C9: variants seen among roughly 807,000 people sequenced by gnomAD.
C9 encodes the protein complement component C9.
In C9, 63 loss-of-function variants were observed where a neutral mutation model predicts 65.4. The observed-to-expected ratio is 0.96, with a 90% CI of 0.79 to 1.19. The LOEUF is 1.19. Among genes scored for constraint, C9 ranks in the 50% most tolerant of loss-of-function variants. The probability of loss-of-function intolerance (pLI) is 0.00; values close to 1 mark genes in which losing one functional copy is unlikely to be tolerated. For missense variants in C9, 744 were observed against 670.1 expected, an observed-to-expected ratio of 1.11 and a Z score of -1.22; for synonymous variants, 229 against 227.9, an observed-to-expected ratio of 1.00 and a Z score of -0.04.
intron 1 of C9, among the ~76,000 whole-genome samples, chr5:39,352,480 A>G (rs1754339554): frequency 6.6e-6 from 1 of 152,160 alleles, no homozygotes; most frequent in Non-Finnish European, 1.5e-5. Context: ...TCTCCCTTGT[A>G]TTTATTGTCT....
intron 5 of C9, among the ~76,000 whole-genome samples, chr5:39,322,441 CTA>C (rs1447447271): frequency 1.3e-5 from 2 of 151,806 alleles, no homozygotes; most frequent in Non-Finnish European, 2.9e-5. Context: ...GAAGGGCAAA[CTA>C]AGCTTACTAA....
chr5:39,316,508 C>A (rs116797948), intron 5 of C9, among the ~76,000 whole-genome samples: 2 of 152,078 alleles, frequency 1.3e-5, no homozygotes, highest in South Asian at 4.2e-4. Context: ...GTCACCCCTA[C>A]CCCCAACAGG....
Position 39,311,513 on chromosome 5 carries a change from A to C in C9, c.871-136T>G, listed in dbSNP as rs549255902. The C allele has an allele frequency of 6.5e-6, 5 of 765,900 alleles. No individual in the cohort carries two copies. The East Asian group carries it at 1.3e-4, about 20-fold the overall frequency. The allele number at this position is 765,900 out of a possible 1,614,324, so 47.4% of individuals were successfully genotyped here. A position where few individuals can be genotyped will look rare whatever the true frequency, so the allele number is the denominator to read the frequency against. On this transcript the variant is annotated intron_variant, in intron 6 of 10. Transcript: ENST00000263408. ...ATGAGATACCACTCTAATCCACCAG[A>C]AGGGCTAAATGTAAAATACTATCAA...
chr5:39,341,701 CT>C lies in C9; in HGVS notation c.184-2del. 1 of 1,613,900 alleles carries C rather than the reference CT, an allele frequency of 6.2e-7. No individual in the cohort carries two copies. ...AGACCTCAATGCTTCTTGAACGAAA[CT>C]GCACAATATCAGTTGGAATGATTAG... On this transcript the variant is annotated splice_acceptor_variant, in intron 2 of 10. Coordinates refer to ENST00000263408, the MANE Select transcript of C9 (RefSeq NM_001737.5). LOFTEE classifies it high-confidence loss of function.
At chr5:39,299,144 A>T (rs542397494) in intron 9 of C9, among the ~76,000 whole-genome samples, 3 of 151,990 alleles carry the variant, frequency 2.0e-5, no homozygotes, top group African/African-American at 4.8e-5. Flanking sequence ...AAGAAAAAGA[A>T]ATAAAATACA....
chr5:39,304,618 C>T (rs1276343176), intron 9 of C9, among the ~76,000 whole-genome samples: 1 of 152,166 alleles, frequency 6.6e-6, no homozygotes, highest in Non-Finnish European at 1.5e-5. Context: ...TTTTCCTCAA[C>T]TCTTTCTACA....
chr5:39,358,917 G>A (rs1409701810), intron 1 of C9, among the ~76,000 whole-genome samples: 4 of 150,976 alleles, frequency 2.6e-5, no homozygotes, highest in Non-Finnish European at 4.4e-5. Flanking sequence ...CCCGGGAGGC[G>A]GAGCTTACAG....
At chr5:39,360,442 C>T (rs1754495658) in intron 1 of C9, among the ~76,000 whole-genome samples, 1 of 152,022 alleles carries the variant, frequency 6.6e-6, no homozygotes, top group African/African-American at 2.4e-5. Context: ...TCTAGTACTC[C>T]TTAGTTATTT....
intron 8 of C9, 24 bp from the exon 9 acceptor site, chr5:39,306,816 A>G (rs1238363145): frequency 6.4e-7 from 1 of 1,566,068 alleles, no homozygotes; most frequent in Non-Finnish European, 8.8e-7. Flanking sequence ...GAAGATTTAA[A>G]GAGAAGCAGA....
chr5:39,316,350 T>C (rs920692270), intron 5 of C9, among the ~76,000 whole-genome samples: 1 of 152,240 alleles, frequency 6.6e-6, no homozygotes, highest in Admixed American at 6.5e-5. Flanking sequence ...AAACTTTTTT[T>C]TCAACTTACT....
chr5:39,335,170 A>G (rs972725728), intron 4 of C9, among the ~76,000 whole-genome samples: 2 of 152,202 alleles, frequency 1.3e-5, no homozygotes, highest in Non-Finnish European at 2.9e-5. Context: ...GGCTACTTTA[A>G]CAGAGACATT....
intron 1 of C9, among the ~76,000 whole-genome samples, chr5:39,360,680 A>C (rs1754500038): frequency 6.6e-6 from 1 of 152,164 alleles, no homozygotes; most frequent in Non-Finnish European, 1.5e-5. Context: ...TGGCCTTTCA[A>C]TGTATGAAAA....
intron 1 of C9, among the ~76,000 whole-genome samples, chr5:39,352,944 A>G: frequency 6.6e-6 from 1 of 152,174 alleles, no homozygotes; most frequent in South Asian, 2.1e-4. Context: ...TACACAGCAA[A>G]GGGGGCTTTG....
chr5:39,362,966 C>G (rs925053845), intron 1 of C9, among the ~76,000 whole-genome samples: 3 of 152,120 alleles, frequency 2.0e-5, no homozygotes, highest in Non-Finnish European at 4.4e-5. Flanking sequence ...TCCGGTCCTC[C>G]CTGAAACAGC....
intron 3 of C9, 93 bp from the exon 4 acceptor site, chr5:39,341,386 A>G: frequency 3.3e-6 from 5 of 1,505,884 alleles, no homozygotes; most frequent in South Asian, 1.1e-5. Context: ...CCTGGAGGTG[A>G]GGTATCAGAA....
intron 9 of C9, among the ~76,000 whole-genome samples, chr5:39,290,694 G>A (rs1192751569): frequency 6.6e-6 from 1 of 151,828 alleles, no homozygotes; most frequent in Non-Finnish European, 1.5e-5. Flanking sequence ...GGAAATCCAA[G>A]AGGTGGGCCC....
intron 9 of C9, among the ~76,000 whole-genome samples, chr5:39,298,431 A>C (rs1213414696): frequency 1.3e-5 from 2 of 151,678 alleles, no homozygotes. Flanking sequence ...AAGATAAGAC[A>C]AAAGGGAAAA....
chr5:39,338,815 C>G (rs1281445199), intron 4 of C9, among the ~76,000 whole-genome samples: 1 of 152,184 alleles, frequency 6.6e-6, no homozygotes, highest in Non-Finnish European at 1.5e-5. Context: ...CTAGCTAGCC[C>G]TGCTTCATTA....
chr5:39,353,345 G>A (rs1029586021), intron 1 of C9, among the ~76,000 whole-genome samples: 3 of 152,156 alleles, frequency 2.0e-5, no homozygotes, highest in African/African-American at 7.2e-5. Context: ...GCTGTGATAG[G>A]AAACAAAAGC....
Sources: allele counts gnomAD v4.1 joint callset (sites outside exome capture counted in the v4.1 genomes callset), GRCh38; gene constraint gnomAD v4.1.1; transcripts MANE v1.5; gene names NCBI Gene and HGNC (gene_info 2026-07-23, HGNC 2026-07-21).